HPSE2: variants seen among roughly 807,000 people sequenced by gnomAD.
HPSE2 encodes the protein inactive heparanase-2.
HPSE2 carries 38 observed loss-of-function variants against 60.5 expected under a neutral mutation model. The observed-to-expected ratio is 0.63, with a 90% CI of 0.48 to 0.82. The LOEUF is 0.82. Ranked by LOEUF, HPSE2 falls within the 40% of genes least tolerant of loss-of-function variation. HPSE2 has a pLI of 0.00. For synonymous variants in HPSE2, 295 were observed against 293.2 expected (o/e 1.01, Z -0.06); for missense variants, 713 against 740.4 (o/e 0.96, Z 0.43).
chr10:98,703,062 G>A (rs1948453295), intron 5 of HPSE2, among the ~76,000 whole-genome samples: 1 of 151,968 alleles, frequency 6.6e-6, no homozygotes, highest in Non-Finnish European at 1.5e-5. Flanking sequence ...GAAGAAAAGA[G>A]AGAAGAATCA....
At chr10:99,003,117 T>C (rs1956813039) in intron 3 of HPSE2, among the ~76,000 whole-genome samples, 1 of 152,164 alleles carries the variant, frequency 6.6e-6, no homozygotes, top group South Asian at 2.1e-4. Context: ...TATCTTTCTT[T>C]GCCTCTTTAT....
chr10:98,862,812 G>A (rs566879667), intron 3 of HPSE2, among the ~76,000 whole-genome samples: 1 of 152,278 alleles, frequency 6.6e-6, no homozygotes, highest in East Asian at 1.9e-4. Flanking sequence ...ACCCAGGCTG[G>A]GGGACATGGT....
the HPSE2 span, among the ~76,000 whole-genome samples, chr10:99,248,446 G>A: frequency 3.3e-5 from 5 of 152,178 alleles, no homozygotes; most frequent in Admixed American, 2.0e-4. Context: ...AAGTTTCTAA[G>A]CAGCAAAGCA....
At chr10:98,818,675 A>C (rs1176720967) in intron 3 of HPSE2, among the ~76,000 whole-genome samples, 2 of 152,184 alleles carry the variant, frequency 1.3e-5, no homozygotes, top group Non-Finnish European at 2.9e-5. Context: ...CTAAACCAGT[A>C]GATTAAAACA....
chr10:99,148,266 CCTTT>C (rs976661171), intron 2 of HPSE2, among the ~76,000 whole-genome samples: 2 of 152,170 alleles, frequency 1.3e-5, no homozygotes, highest in Non-Finnish European at 2.9e-5. Flanking sequence ...AGACAAAACA[CCTTT>C]CTAAGATTAC....
At chr10:98,519,145 G>GAAAC (rs1264243496) in intron 9 of HPSE2, among the ~76,000 whole-genome samples, 1 of 152,320 alleles carries the variant, frequency 6.6e-6, no homozygotes, top group African/African-American at 2.4e-5. Flanking sequence ...ACATTGAATA[G>GAAAC]AAACAAACAG....
chr10:98,699,997 G>A (rs1948356301), intron 5 of HPSE2, among the ~76,000 whole-genome samples: 1 of 151,366 alleles, frequency 6.6e-6, no homozygotes, highest in Non-Finnish European at 1.5e-5. Flanking sequence ...AAAAGAGGAT[G>A]CAAACGAATG....
the HPSE2 span, among the ~76,000 whole-genome samples, chr10:99,274,437 C>T: frequency 6.6e-6 from 1 of 151,924 alleles, no homozygotes; most frequent in African/African-American, 2.4e-5. Context: ...TTAAAAAAAA[C>T]CCTTCAAACA....
chr10:98,469,967 A>T (rs1244392809), intron 11 of HPSE2, among the ~76,000 whole-genome samples: 1 of 152,152 alleles, frequency 6.6e-6, no homozygotes, highest in Non-Finnish European at 1.5e-5. Context: ...TTTGTCTCTG[A>T]GTTACGGTAG....
intron 9 of HPSE2, among the ~76,000 whole-genome samples, chr10:98,536,537 A>G (rs1478702883): frequency 6.6e-6 from 1 of 152,212 alleles, no homozygotes; most frequent in Non-Finnish European, 1.5e-5. Context: ...GGAAGGCCAG[A>G]GTTGGTGGGG....
intron 6 of HPSE2, among the ~76,000 whole-genome samples, chr10:98,649,126 C>A (rs562558503): frequency 6.6e-6 from 1 of 152,286 alleles, no homozygotes; most frequent in African/African-American, 2.4e-5. Flanking sequence ...TTTTAAAAAA[C>A]TCAGTGTTTG....
At chr10:98,901,693 A>G (rs766119999) in intron 3 of HPSE2, among the ~76,000 whole-genome samples, 33 of 152,226 alleles carry the variant, frequency 2.2e-4, no homozygotes, top group Admixed American at 5.9e-4. Context: ...ACAGTATAAC[A>G]GAGAGAGTTT....
chr10:99,102,803 C>A (rs1308595295), intron 3 of HPSE2, among the ~76,000 whole-genome samples: 1 of 152,144 alleles, frequency 6.6e-6, no homozygotes. Context: ...TGGGCTTCAA[C>A]CCTGGGATAC....
At chr10:99,286,620 G>A in the HPSE2 span, among the ~76,000 whole-genome samples, 2 of 152,012 alleles carry the variant, frequency 1.3e-5, no homozygotes, top group African/African-American at 4.8e-5. Context: ...GGTGATGACT[G>A]TATGACATTG....
At chr10:98,803,628 T>C (rs1195682089) in intron 3 of HPSE2, among the ~76,000 whole-genome samples, 7 of 151,872 alleles carry the variant, frequency 4.6e-5, no homozygotes, top group Admixed American at 3.3e-4. Flanking sequence ...GATCAGATAG[T>C]TGTAGATATG....
chr10:98,781,338 C>T (rs1359459446), intron 3 of HPSE2, among the ~76,000 whole-genome samples: 1 of 129,468 alleles, frequency 7.7e-6, no homozygotes, highest in Non-Finnish European at 1.6e-5. Context: ...GTAAGATAGG[C>T]TTTCCTAAGC....
At chr10:99,282,883 C>T in the HPSE2 span, among the ~76,000 whole-genome samples, 5 of 152,094 alleles carry the variant, frequency 3.3e-5, no homozygotes, top group Middle Eastern at 3.4e-3. Context: ...GCTATAAATG[C>T]CTACGTTAAA....
chr10:98,977,798 T>C (rs1415847107), intron 3 of HPSE2, among the ~76,000 whole-genome samples: 1 of 151,814 alleles, frequency 6.6e-6, no homozygotes, highest in Non-Finnish European at 1.5e-5. Flanking sequence ...AATAATAATA[T>C]ATACTTTTTA....
At chr10:98,554,412 CTGTT>C (rs1181556551) in intron 9 of HPSE2, among the ~76,000 whole-genome samples, 7 of 152,302 alleles carry the variant, frequency 4.6e-5, no homozygotes, top group Admixed American at 1.3e-4. Flanking sequence ...AAATAACTGT[CTGTT>C]TCTCTATTCT....
Sources: gnomAD v4.1 joint callset for allele counts (sites outside exome capture counted in the v4.1 genomes callset) on GRCh38, gnomAD v4.1.1 for gene constraint, MANE v1.5 for transcripts, NCBI Gene and HGNC (gene_info 2026-07-23, HGNC 2026-07-21) for gene names.